Variants in MAPK4 observed in about 807,000 individuals in gnomAD.
MAPK4 encodes mitogen-activated protein kinase 4.
In MAPK4, 22 loss-of-function variants were observed where a neutral mutation model predicts 47.7. That is an observed-to-expected ratio of 0.46 (90% confidence interval 0.33 to 0.66). The LOEUF (loss-of-function observed/expected upper bound fraction) is 0.66, where lower values mean the gene tolerates loss of function less well. MAPK4 is among the 30% of genes least tolerant of loss of function. MAPK4 has a pLI of 0.02. For synonymous variants in MAPK4, 390 were observed against 365.7 expected, an observed-to-expected ratio of 1.07 and a Z score of -0.76; for missense variants, 736 against 831.7, an observed-to-expected ratio of 0.88 and a Z score of 1.42.
intron 5 of MAPK4, among the ~76,000 whole-genome samples, chr18:50,727,463 G>T (rs1366694836): frequency 6.6e-6 from 1 of 152,212 alleles, no homozygotes; most frequent in Non-Finnish European, 1.5e-5. Context: ...GCTTGTTGTT[G>T]TCAATTGTTG....
intron 1 of MAPK4, among the ~76,000 whole-genome samples, chr18:50,613,478 A>C (rs2042657786): frequency 6.6e-6 from 1 of 152,240 alleles, no homozygotes; most frequent in Non-Finnish European, 1.5e-5. Context: ...ATGAGAATGC[A>C]GCCCATTTGA....
At chr18:50,591,942 A>G (rs1232875736) in intron 1 of MAPK4, among the ~76,000 whole-genome samples, 5 of 151,958 alleles carry the variant, frequency 3.3e-5, no homozygotes, top group Admixed American at 2.6e-4. Context: ...ATGAAGGGGG[A>G]CTAGTATGGT....
chr18:50,618,464 G>C (rs532971296), intron 1 of MAPK4, among the ~76,000 whole-genome samples: 2 of 152,214 alleles, frequency 1.3e-5, no homozygotes, highest in South Asian at 4.2e-4. Flanking sequence ...ATACATTTCT[G>C]TATCAACACA....
intron 2 of MAPK4, among the ~76,000 whole-genome samples, chr18:50,706,486 G>T (rs1338613496): frequency 1.4e-5 from 2 of 148,132 alleles, no homozygotes; most frequent in African/African-American, 5.0e-5. Context: ...TTCCCTAGGT[G>T]CTTCCAGCCT....
chr18:50,656,511 G>C (rs1162054727), intron 1 of MAPK4, among the ~76,000 whole-genome samples: 5 of 152,208 alleles, frequency 3.3e-5, no homozygotes, highest in African/African-American at 1.2e-4. Context: ...TTTATAACAT[G>C]ATCTCAGAAG....
chr18:50,591,876 C>T (rs2042439073), intron 1 of MAPK4, among the ~76,000 whole-genome samples: 1 of 152,062 alleles, frequency 6.6e-6, no homozygotes, highest in Non-Finnish European at 1.5e-5. Context: ...AAATTTGATT[C>T]TAGGGCCCGC....
intron 2 of MAPK4, among the ~76,000 whole-genome samples, chr18:50,714,838 A>C (rs1274098729): frequency 6.6e-6 from 1 of 152,142 alleles, no homozygotes; most frequent in Non-Finnish European, 1.5e-5. Context: ...CCTTTCTATA[A>C]AGGAGAACCC....
At chr18:50,610,925 C>T (rs1219652174) in intron 1 of MAPK4, among the ~76,000 whole-genome samples, 1 of 152,152 alleles carries the variant, frequency 6.6e-6, no homozygotes, top group African/African-American at 2.4e-5. Flanking sequence ...TTGGTGAGGG[C>T]TGCTATTCTA....
intron 4 of MAPK4, 62 bp downstream of exon 4, chr18:50,722,161 G>T: frequency 6.4e-7 from 1 of 1,553,454 alleles, no homozygotes. Context: ...CCACCTTGCG[G>T]GGTAGGGGGC....
intron 1 of MAPK4, among the ~76,000 whole-genome samples, chr18:50,626,319 A>G (rs2042777789): frequency 6.6e-6 from 1 of 152,190 alleles, no homozygotes; most frequent in Non-Finnish European, 1.5e-5. Flanking sequence ...TCTGAACGTG[A>G]GGTCTGTGGA....
At chr18:50,647,806 C>T (rs913684421) in intron 1 of MAPK4, among the ~76,000 whole-genome samples, 13 of 152,066 alleles carry the variant, frequency 8.5e-5, no homozygotes, top group African/African-American at 2.7e-4. Context: ...CCACATGTTC[C>T]TCTTAAGCCT....
Position 50,729,513 on chromosome 18 carries a change from G to A in MAPK4, c.1423G>A (p.Gly475Arg). 6.9e-7 allele frequency: 1 copy of A among 1,444,840 alleles called. No individual in the cohort carries two copies. The highest frequency in any genetic ancestry group is 2.5e-5 in the East Asian group (1 of 39,582). The allele number at this position is 1,444,840 out of a possible 1,614,324, so 89.5% of individuals were successfully genotyped here. The change falls in exon 6 of 6, where the codon GGG (glycine) becomes AGG (arginine). Residue 475 changes from glycine to arginine, a missense_variant. This residue lies in a region of MAPK4 where 377 missense variants were observed against 378.6 expected (regional missense o/e 1.00). Coordinates refer to ENST00000400384, the MANE Select transcript of MAPK4 (RefSeq NM_002747.4). ...QAAGAPPTAT[G>R]LADTGAREDE... ...GGCCGGCGCGCCCCCCACGGCCACG[G>A]GGCTGGCGGACACGGGGGCGCGCGA...
intron 1 of MAPK4, among the ~76,000 whole-genome samples, chr18:50,661,063 A>G (rs2043166357): frequency 6.6e-6 from 1 of 152,192 alleles, no homozygotes; most frequent in Non-Finnish European, 1.5e-5. Context: ...TTGTGATGTC[A>G]TCCCCTCTGC....
chr18:50,700,364 C>T (rs1909724009), intron 2 of MAPK4, among the ~76,000 whole-genome samples: 1 of 152,190 alleles, frequency 6.6e-6, no homozygotes. Context: ...ACAACAACAA[C>T]AAAATACCTA....
intron 1 of MAPK4, among the ~76,000 whole-genome samples, chr18:50,650,506 T>A (rs188937030): frequency 6.6e-6 from 1 of 152,330 alleles, no homozygotes; most frequent in African/African-American, 2.4e-5. Flanking sequence ...CTGTCTTGGT[T>A]ACACCTGAAC....
At chr18:50,658,339 T>G (rs1469848317) in intron 1 of MAPK4, among the ~76,000 whole-genome samples, 1 of 152,164 alleles carries the variant, frequency 6.6e-6, no homozygotes, top group Admixed American at 6.5e-5. Flanking sequence ...AGTCACTCGC[T>G]GGGGCTGAGA....
intron 1 of MAPK4, among the ~76,000 whole-genome samples, chr18:50,597,133 C>T (rs1409006253): frequency 6.6e-6 from 1 of 152,152 alleles, no homozygotes; most frequent in Non-Finnish European, 1.5e-5. Flanking sequence ...CAGTCAATTC[C>T]CATTCAACCC....
intron 3 of MAPK4, among the ~76,000 whole-genome samples, chr18:50,718,839 T>C (rs7231995): frequency 0.16 from 24,889 of 151,990 alleles, 2,186 homozygotes; most frequent in South Asian, 0.23. Flanking sequence ...CCCAGCACTT[T>C]GGGAGGCCGA....
intron 1 of MAPK4, among the ~76,000 whole-genome samples, chr18:50,614,600 A>G (rs1568045977): frequency 6.6e-6 from 1 of 152,242 alleles, no homozygotes; most frequent in South Asian, 2.1e-4. Flanking sequence ...AATATCCCGT[A>G]TACCTCATAA....
Sources: gnomAD v4.1 joint callset for allele counts (sites outside exome capture counted in the v4.1 genomes callset) on GRCh38, gnomAD v4.1.1 for gene constraint, gnomAD v4.1.1 regional missense constraint, MANE v1.5 for transcripts, NCBI Gene and HGNC (gene_info 2026-07-23, HGNC 2026-07-21) for gene names.